NTRK3: variants seen among roughly 807,000 people sequenced by gnomAD.
The protein encoded by NTRK3 is neurotrophic receptor tyrosine kinase 3, also known as NT-3 growth factor receptor.
A neutral mutation model predicts 91.7 loss-of-function variants in NTRK3; 24 were observed. The ratio of observed to expected loss-of-function variants is 0.26; its 90% CI spans 0.19 to 0.37. The LOEUF (loss-of-function observed/expected upper bound fraction) is 0.37. Among genes scored for constraint, NTRK3 ranks in the 10% least tolerant of loss-of-function variants. The pLI is 1.00. For missense variants in NTRK3, 880 were observed against 1,068.9 expected (o/e 0.82, Z 2.46); for synonymous variants, 483 against 404.0 (o/e 1.20, Z -2.34).
chr15:88,123,190 C>T (rs1248857176), intron 13 of NTRK3, among the ~76,000 whole-genome samples: 3 of 152,156 alleles, frequency 2.0e-5, no homozygotes, highest in Non-Finnish European at 1.5e-5. Context: ...GCCAGTTACA[C>T]ATAGATCTTG....
At chr15:88,032,570 G>A (rs985341550) in intron 14 of NTRK3, among the ~76,000 whole-genome samples, 2 of 152,102 alleles carry the variant, frequency 1.3e-5, no homozygotes, top group Non-Finnish European at 2.9e-5. Flanking sequence ...CAGCCTCTCT[G>A]TGTCTCCTGC....
chr15:87,889,108 T>A (rs2065713618), intron 17 of NTRK3, among the ~76,000 whole-genome samples: 1 of 152,130 alleles, frequency 6.6e-6, no homozygotes, highest in Non-Finnish European at 1.5e-5. Flanking sequence ...GCCAGGATTT[T>A]CCCCTATAAA....
intron 3 of NTRK3, among the ~76,000 whole-genome samples, chr15:88,229,135 T>C (rs2050947955): frequency 6.6e-6 from 1 of 152,190 alleles, no homozygotes; most frequent in Non-Finnish European, 1.5e-5. Flanking sequence ...TGTCTAATTT[T>C]CATCAGAAAA....
intron 13 of NTRK3, among the ~76,000 whole-genome samples, chr15:88,110,364 T>C (rs3784413): frequency 0.6 from 91,058 of 152,024 alleles, 28,193 homozygotes; most frequent in African/African-American, 0.75. Flanking sequence ...GCAAGAGCTG[T>C]TGGATGGAGG....
chr15:87,955,596 G>C (rs2071575942), intron 14 of NTRK3, among the ~76,000 whole-genome samples: 1 of 152,176 alleles, frequency 6.6e-6, no homozygotes, highest in Non-Finnish European at 1.5e-5. Context: ...GTAGCTCTGT[G>C]CTTGGGTCTT....
chr15:88,137,617 C>T, intron 6 of NTRK3, 56 bp from the exon 7 acceptor site: 1 of 1,583,984 alleles, frequency 6.3e-7, no homozygotes, highest in Non-Finnish European at 8.6e-7. Context: ...GCCCAGGACC[C>T]TCCCAGGGCT....
chr15:87,860,143 A>G (rs1157080106), exon 19 of NTRK3: 1 of 219,642 alleles, frequency 4.6e-6, no homozygotes, highest in African/African-American at 2.2e-5. Context: ...CTGCCCCCAC[A>G]TTTAACTTCA....
intron 13 of NTRK3, among the ~76,000 whole-genome samples, chr15:88,041,499 A>G (rs868727791): frequency 1.4e-4 from 22 of 152,202 alleles, no homozygotes; most frequent in African/African-American, 5.3e-4. Context: ...AGAAGTGAGG[A>G]TGCATCACTC....
intron 6 of NTRK3, 34 bp from the exon 7 acceptor site, chr15:88,137,595 G>A (rs752186642): frequency 5.0e-6 from 8 of 1,609,126 alleles, no homozygotes; most frequent in South Asian, 1.1e-5. Flanking sequence ...GGGAACCTCT[G>A]AACCGAAGAT....
chr15:88,085,183 A>G (rs2048387074), intron 13 of NTRK3, among the ~76,000 whole-genome samples: 1 of 152,236 alleles, frequency 6.6e-6, no homozygotes, highest in African/African-American at 2.4e-5. Flanking sequence ...GCTGAAGTCA[A>G]TAACCACTTA....
chr15:88,153,012 CTT>C (rs1408870795), intron 5 of NTRK3, among the ~76,000 whole-genome samples: 3 of 152,206 alleles, frequency 2.0e-5, no homozygotes, highest in Non-Finnish European at 4.4e-5. Flanking sequence ...GAAAGGCACT[CTT>C]TTGAGCACCG....
At chr15:88,142,756 G>A (rs62019264) in intron 6 of NTRK3, among the ~76,000 whole-genome samples, 31,340 of 152,136 alleles carry the variant, frequency 0.21, 3,585 homozygotes, top group African/African-American at 0.29. Context: ...GAATACACTG[G>A]GTTTAGTTGA....
At chr15:88,172,001 G>A (rs1156282269) in intron 5 of NTRK3, among the ~76,000 whole-genome samples, 1 of 152,244 alleles carries the variant, frequency 6.6e-6, no homozygotes, top group African/African-American at 2.4e-5. Flanking sequence ...TGCATCTTGG[G>A]AGACCCTGTC....
At chr15:88,046,527 G>A (rs2142216162) in intron 13 of NTRK3, among the ~76,000 whole-genome samples, 1 of 152,290 alleles carries the variant, frequency 6.6e-6, no homozygotes, top group African/African-American at 2.4e-5. Context: ...AGGACAGAGA[G>A]GAAGGCAGTG....
intron 5 of NTRK3, among the ~76,000 whole-genome samples, chr15:88,165,068 T>A (rs568304017): frequency 6.6e-6 from 1 of 152,242 alleles, no homozygotes; most frequent in African/African-American, 2.4e-5. Context: ...GAGCTGAGGA[T>A]TGAATATGAA....
Position 87,940,770 on chromosome 15 carries a change from A to C in NTRK3, c.1586-17T>G, listed in dbSNP as rs1255418851. On this transcript the variant is annotated splice_polypyrimidine_tract_variant and intron_variant, in intron 14 of 18. Transcript: ENST00000394480. ...GCTGCACATCTGTAGGATGGGGACA[A>C]AGAGGAGGGCAGCAAATCAGTCCTC... 6.2e-7 allele frequency: 1 copy of C among 1,614,132 alleles called. No individual in the cohort carries two copies. The highest frequency in any genetic ancestry group is 8.5e-7 in the Non-Finnish European group (1 of 1,180,014).
intron 13 of NTRK3, among the ~76,000 whole-genome samples, chr15:88,066,406 T>C (rs2046653954): frequency 6.6e-6 from 1 of 152,158 alleles, no homozygotes; most frequent in South Asian, 2.1e-4. Flanking sequence ...ACTCAGTTGT[T>C]TCAATAAAGA....
intron 3 of NTRK3, among the ~76,000 whole-genome samples, chr15:88,238,265 T>C (rs894759615): frequency 6.6e-6 from 1 of 152,172 alleles, no homozygotes; most frequent in Non-Finnish European, 1.5e-5. Context: ...AGCCAAGAAA[T>C]ATGAGGATTT....
intron 14 of NTRK3, among the ~76,000 whole-genome samples, chr15:88,025,391 TC>T (rs2077948131): frequency 6.6e-6 from 1 of 152,174 alleles, no homozygotes; most frequent in African/African-American, 2.4e-5. Flanking sequence ...TATGTCCCCC[TC>T]AAAAAAGCTA....
Sources: allele counts gnomAD v4.1 joint callset (sites outside exome capture counted in the v4.1 genomes callset), GRCh38; gene constraint gnomAD v4.1.1; transcripts MANE v1.5; gene names NCBI Gene and HGNC (gene_info 2026-07-23, HGNC 2026-07-21).